RGS7: variants seen among roughly 807,000 people sequenced by gnomAD.
The protein encoded by RGS7 is regulator of G protein signaling 7, also known as regulator of G-protein signaling 7.
In RGS7, 27 loss-of-function variants were observed where a neutral mutation model predicts 81.1. The ratio of observed to expected loss-of-function variants is 0.33; its 90% CI spans 0.25 to 0.46. RGS7 has a LOEUF of 0.46. RGS7 is among the 20% of genes least tolerant of loss of function. RGS7 has a pLI of 1.00. For missense variants in RGS7, 396 were observed against 607.4 expected, an observed-to-expected ratio of 0.65 and a Z score of 3.66; for synonymous variants, 208 against 207.7, an observed-to-expected ratio of 1.00 and a Z score of -0.01.
chr1:240,816,760 A>G (rs1266399143), intron 10 of RGS7, among the ~76,000 whole-genome samples: 2 of 152,218 alleles, frequency 1.3e-5, no homozygotes, highest in Admixed American at 1.3e-4. Context: ...AAGAAAATAG[A>G]GAGGTGGATG....
intron 2 of RGS7, among the ~76,000 whole-genome samples, chr1:241,123,504 A>T (rs2066437192): frequency 6.6e-6 from 1 of 152,234 alleles, no homozygotes; most frequent in Non-Finnish European, 1.5e-5. Flanking sequence ...TAATCCCAGC[A>T]CTTTGGGATG....
chr1:240,820,284 A>G (rs2103139520), intron 10 of RGS7, among the ~76,000 whole-genome samples: 1 of 152,292 alleles, frequency 6.6e-6, no homozygotes, highest in Middle Eastern at 3.4e-3. Context: ...TTTATTTGCA[A>G]TGCTTTGGCT....
At chr1:241,353,962 G>A (rs1373237434) in intron 2 of RGS7, among the ~76,000 whole-genome samples, 3 of 151,998 alleles carry the variant, frequency 2.0e-5, no homozygotes, top group Admixed American at 6.6e-5. Context: ...ACACACACTA[G>A]TTGCTGCATA....
chr1:241,291,786 G>C (rs1350178428), intron 2 of RGS7, among the ~76,000 whole-genome samples: 1 of 151,938 alleles, frequency 6.6e-6, no homozygotes, highest in Non-Finnish European at 1.5e-5. Context: ...ATGTTGGGCA[G>C]GCTGGTCTCG....
At chr1:240,992,950 G>C (rs1572160501) in intron 3 of RGS7, among the ~76,000 whole-genome samples, 1 of 151,950 alleles carries the variant, frequency 6.6e-6, no homozygotes, top group African/African-American at 2.4e-5. Context: ...AGGAGGCAGA[G>C]GTTGTAGCGA....
chr1:240,951,355 T>C (rs1028888684), intron 4 of RGS7, among the ~76,000 whole-genome samples: 2 of 152,116 alleles, frequency 1.3e-5, no homozygotes, highest in Non-Finnish European at 2.9e-5. Context: ...AAGTTTAAAT[T>C]GTAATTAATA....
At chr1:240,802,562 GT>G (rs1353965129) in intron 16 of RGS7, among the ~76,000 whole-genome samples, 1 of 152,066 alleles carries the variant, frequency 6.6e-6, no homozygotes, top group Non-Finnish European at 1.5e-5. Context: ...CTCTCTTCAA[GT>G]TTTTGACCTA....
chr1:241,173,372 A>G (rs769557915), intron 2 of RGS7, among the ~76,000 whole-genome samples: 31 of 152,256 alleles, frequency 2.0e-4, no homozygotes, highest in Non-Finnish European at 4.1e-4. Context: ...ATCACAATGT[A>G]TGTAAACATG....
chr1:241,162,222 G>GCCCCCCCCGCCGCCC (rs68166816), intron 2 of RGS7, among the ~76,000 whole-genome samples: 2 of 142,028 alleles, frequency 1.4e-5, no homozygotes, highest in Admixed American at 7.0e-5. Flanking sequence ...CTGGTGATCA[G>GCCCCCCCCGCCGCCC]CTTCCAAATA....
chr1:241,238,966 C>CTCTTTT lies in RGS7; in HGVS notation c.78+116732_78+116733insAAAAGA, dbSNP rs397786851. ...CTCCAAATAGCTATTGCCTCTCTCT[C>CTCTTTT]TTTTTTTTTTTTTTTTTTTTGAGAT... On this transcript the variant is annotated intron_variant, in intron 2 of 18. Coordinates refer to ENST00000440928, the MANE Select transcript of RGS7 (RefSeq NM_001364886.1). Among the ~76,000 whole-genome samples, 11 of 106,644 alleles carry CTCTTTT rather than the reference C, an allele frequency of 1.0e-4. 1 individual carries two copies. The highest frequency in any genetic ancestry group is 9.1e-5 in the Non-Finnish European group (5 of 54,818). The allele number at this position is 106,644 out of a possible 152,430, so 70.0% of individuals were successfully genotyped here.
At chr1:241,264,421 T>C (rs1378531468) in intron 2 of RGS7, among the ~76,000 whole-genome samples, 2 of 151,942 alleles carry the variant, frequency 1.3e-5, no homozygotes, top group Admixed American at 1.3e-4. Context: ...CACTTGAACC[T>C]GGGAGGCGGA....
intron 6 of RGS7, among the ~76,000 whole-genome samples, chr1:240,895,207 G>A (rs1461941504): frequency 1.3e-5 from 2 of 152,154 alleles, no homozygotes; most frequent in African/African-American, 2.4e-5. Flanking sequence ...ATGCCAGCAC[G>A]ATGCTTCCTG....
At chr1:240,823,354 G>A (rs888941586) in intron 10 of RGS7, 74 of 503,794 alleles carry the variant, frequency 1.5e-4, no homozygotes, top group Non-Finnish European at 2.5e-4. Context: ...AAAATTAGCT[G>A]CGGAGATGCC....
At chr1:241,072,734 G>A (rs1046070208) in intron 3 of RGS7, among the ~76,000 whole-genome samples, 3 of 152,072 alleles carry the variant, frequency 2.0e-5, no homozygotes, top group African/African-American at 4.8e-5. Flanking sequence ...GTCTTTTCTC[G>A]AGGGGACTCC....
At chr1:240,895,906 A>G (rs1221037754) in intron 6 of RGS7, among the ~76,000 whole-genome samples, 2 of 152,204 alleles carry the variant, frequency 1.3e-5, no homozygotes, top group African/African-American at 4.8e-5. Context: ...TCCCACCAAC[A>G]GTGTAAAAGT....
chr1:241,153,057 G>A (rs1221091952), intron 2 of RGS7, among the ~76,000 whole-genome samples: 1 of 152,180 alleles, frequency 6.6e-6, no homozygotes, highest in African/African-American at 2.4e-5. Flanking sequence ...ATTGGAACTT[G>A]GGGTAATACA....
At chr1:240,818,761 GAC>G (rs1273139823) in intron 10 of RGS7, among the ~76,000 whole-genome samples, 1 of 152,168 alleles carries the variant, frequency 6.6e-6, no homozygotes, top group East Asian at 1.9e-4. Flanking sequence ...AGAGTAGAGT[GAC>G]AGTTACCAGA....
intron 3 of RGS7, among the ~76,000 whole-genome samples, chr1:241,098,293 T>C (rs2064444170): frequency 6.6e-6 from 1 of 152,234 alleles, no homozygotes; most frequent in South Asian, 2.1e-4. Context: ...TCACCACTGC[T>C]CTGCAGAAAC....
At chr1:240,851,675 A>G (rs1414485474) in intron 9 of RGS7, among the ~76,000 whole-genome samples, 1 of 152,224 alleles carries the variant, frequency 6.6e-6, no homozygotes, top group African/African-American at 2.4e-5. Flanking sequence ...ACCATTAGGA[A>G]CATTTATGAT....
Sources: gnomAD v4.1 joint callset for allele counts (sites outside exome capture counted in the v4.1 genomes callset) on GRCh38, gnomAD v4.1.1 for gene constraint, MANE v1.5 for transcripts, NCBI Gene and HGNC (gene_info 2026-07-23, HGNC 2026-07-21) for gene names.